The following BRCA1 variants were observed in gnomAD, a reference collection of about 807,000 sequenced individuals.
BRCA1 encodes the protein BRCA1 DNA repair associated, also known as breast cancer type 1 susceptibility protein.
Under a neutral mutation model 173.7 loss-of-function variants are expected in BRCA1, and 140 were observed. The observed-to-expected ratio is 0.81, with a 90% CI of 0.70 to 0.93. BRCA1 has a LOEUF of 0.93. Ranked by LOEUF, BRCA1 falls within the 40% of genes least tolerant of loss-of-function variation. BRCA1 has a pLI of 0.00. For missense variants in BRCA1, 1,983 were observed against 2,172.5 expected (o/e 0.91, Z 1.73); for synonymous variants, 662 against 756.0 (o/e 0.88, Z 2.04).
chr17:43,100,632 T>TAACA (rs1555595276), intron 6 of BRCA1, among the ~76,000 whole-genome samples: 12 of 43,228 alleles, frequency 2.8e-4, no homozygotes, highest in South Asian at 8.4e-4. Flanking sequence ...TATATATATG[T>TAACA]TATATATATA....
Position 43,092,043 on chromosome 17 carries a change from G to C in BRCA1, c.3488C>G (p.Thr1163Ser), listed in dbSNP as rs80356918. Reference sequence around the variant, plus strand: ...CTTAATGTCATTTTCAGCAAAACTAGTATCTTCCTTTATTTCACCATCATC... The same window carrying C: ...CTTAATGTCATTTTCAGCAAAACTACTATCTTCCTTTATTTCACCATCATC... The part of the protein sequence containing the change: ...LLDDGEIKED[T>S]SFAENDIKES... The change falls in exon 10 of 23, where the codon ACT becomes AGT. Residue 1163 changes from threonine (T) to serine (S), a missense_variant. Coordinates refer to ENST00000357654, the MANE Select transcript of BRCA1 (RefSeq NM_007294.4). The C allele has an allele frequency of 1.2e-6, 2 of 1,614,014 alleles. No individual in the cohort carries two copies. Among genetic ancestry groups the C allele is most frequent in the Non-Finnish European group, 8.5e-7 (1 of 1,180,016 alleles).
At chr17:43,100,655 A>ATGTT (rs1439612969) in intron 6 of BRCA1, among the ~76,000 whole-genome samples, 12 of 26,404 alleles carry the variant, frequency 4.5e-4, no homozygotes, top group South Asian at 1.7e-3. Flanking sequence ...ACATATATAT[A>ATGTT]ACATATATAT....
intron 11 of BRCA1, among the ~76,000 whole-genome samples, chr17:43,089,067 C>T (rs2053341686): frequency 2.0e-5 from 3 of 152,294 alleles, no homozygotes; most frequent in Admixed American, 1.3e-4. Context: ...AATCTCAGCA[C>T]TTTGGGAGGC....
chr17:43,130,915 A>G (rs2055959474), intron 1 of BRCA1, among the ~76,000 whole-genome samples: 1 of 152,210 alleles, frequency 6.6e-6, no homozygotes, highest in Non-Finnish European at 1.5e-5. Context: ...TCTGACCACC[A>G]GAAAGTTTGA....
chr17:43,070,855 A>T, intron 15 of BRCA1, 73 bp downstream of exon 15: 1 of 1,519,484 alleles, frequency 6.6e-7, no homozygotes, highest in South Asian at 1.1e-5. Context: ...TTAATTGACA[A>T]TACCTACATA....
intron 3 of BRCA1, among the ~76,000 whole-genome samples, chr17:43,108,981 G>A (rs1032899294): frequency 1.1e-4 from 16 of 151,954 alleles, no homozygotes; most frequent in African/African-American, 3.4e-4. Flanking sequence ...CAACAAGAGC[G>A]AAACTCCATC....
At chr17:43,090,749 C>T (rs1567787994) in intron 11 of BRCA1, among the ~76,000 whole-genome samples, 195 bp downstream of exon 11, 1 of 151,852 alleles carries the variant, frequency 6.6e-6, no homozygotes, top group Non-Finnish European at 1.5e-5. Context: ...TGCGCGTGTG[C>T]GTGTGTGTGA....
At chr17:43,158,845 G>A (rs1369996673) in intron 1 of BRCA1, among the ~76,000 whole-genome samples, 1 of 152,162 alleles carries the variant, frequency 6.6e-6, no homozygotes, top group African/African-American at 2.4e-5. Context: ...TAAGTGTTAT[G>A]GAGAAGCAGC....
chr17:43,059,464 G>A (rs916446939), intron 18 of BRCA1, among the ~76,000 whole-genome samples: 2 of 134,108 alleles, frequency 1.5e-5, no homozygotes, highest in Non-Finnish European at 3.1e-5. Flanking sequence ...AGAACGAGAT[G>A]CTGTCACAAC....
Position 43,067,579 on chromosome 17 carries a change from A to G in BRCA1, c.5074+29T>C, listed in dbSNP as rs778992032. 6.5e-6 allele frequency: 10 copies of G among 1,549,222 alleles called. No homozygotes were observed. The highest frequency in any genetic ancestry group is 5.0e-5 in the Admixed American group (3 of 59,890). Reference sequence around the variant, plus strand: ...TCATGTGGTTTTATGCAGCAGATGCAAGGTATTCTGTAAAGGTTCTTGGTA... The same window carrying G: ...TCATGTGGTTTTATGCAGCAGATGCGAGGTATTCTGTAAAGGTTCTTGGTA... On this transcript the variant is annotated intron_variant, in intron 16 of 22. Coordinates refer to ENST00000357654, the MANE Select transcript of BRCA1 (RefSeq NM_007294.4).
intron 1 of BRCA1, chr17:43,167,350 G>C (rs761070895): frequency 6.6e-6 from 1 of 152,252 alleles, no homozygotes; most frequent in Non-Finnish European, 1.5e-5. Flanking sequence ...AGCTCCCCGA[G>C]TGAGCAATTC....
At chr17:43,155,121 T>C (rs1237306995) in intron 1 of BRCA1, among the ~76,000 whole-genome samples, 4 of 152,044 alleles carry the variant, frequency 2.6e-5, no homozygotes, top group Admixed American at 6.5e-5. Flanking sequence ...CTGGTAACTT[T>C]TGGTAGGAAC....
chr17:43,078,047 C>T (rs1021885227), intron 12 of BRCA1, among the ~76,000 whole-genome samples: 6 of 150,738 alleles, frequency 4.0e-5, no homozygotes, highest in Non-Finnish European at 5.9e-5. Flanking sequence ...TATTTTTCAA[C>T]GAGATGGGTG....
intron 1 of BRCA1, among the ~76,000 whole-genome samples, chr17:43,135,516 T>C (rs2056012352): frequency 6.6e-6 from 1 of 152,184 alleles, no homozygotes; most frequent in African/African-American, 2.4e-5. Context: ...CATAAGCCGG[T>C]GGAGAAGTCC....
At chr17:43,137,558 G>T (rs1324129949) in intron 1 of BRCA1, among the ~76,000 whole-genome samples, 4 of 152,028 alleles carry the variant, frequency 2.6e-5, no homozygotes, top group Admixed American at 6.6e-5. Context: ...GATGTTCAAG[G>T]CTCGAGATCC....
chr17:43,074,621 A>T, intron 13 of BRCA1, 100 bp from the exon 14 acceptor site: 1 of 1,109,516 alleles, frequency 9.0e-7, no homozygotes, highest in African/African-American at 1.6e-5. Flanking sequence ...AGCTCATGTC[A>T]GAGAGATCAG....
At chr17:43,111,077 G>A (rs2055013309) in intron 3 of BRCA1, among the ~76,000 whole-genome samples, 1 of 148,998 alleles carries the variant, frequency 6.7e-6, no homozygotes. Flanking sequence ...CTCCAGCCTG[G>A]GCAACAGAAC....
At chr17:43,064,606 T>C (rs1296869151) in intron 16 of BRCA1, among the ~76,000 whole-genome samples, 1 of 152,184 alleles carries the variant, frequency 6.6e-6, no homozygotes, top group Non-Finnish European at 1.5e-5. Context: ...AGAAATGTAT[T>C]TAACTAAATC....
Position 43,048,090 on chromosome 17 carries a change from C to T in BRCA1, c.5407-387G>A, listed in dbSNP as rs567534295. 1.3e-4 allele frequency among the ~76,000 whole-genome samples: 19 copies of T among 151,960 alleles called. No homozygotes were observed. The East Asian group carries it at 3.5e-3, about 28-fold the overall frequency. On this transcript the variant is annotated intron_variant, in intron 21 of 22. Coordinates refer to ENST00000357654, the MANE Select transcript of BRCA1 (RefSeq NM_007294.4). ...AATAATTTTTTTGTAGACATGAGGT[C>T]CTACTGTATTGCCCAGGCTGGTCTT...
Sources: gnomAD v4.1 joint callset for allele counts (sites outside exome capture counted in the v4.1 genomes callset) on GRCh38, gnomAD v4.1.1 for gene constraint, MANE v1.5 for transcripts, NCBI Gene and HGNC (gene_info 2026-07-23, HGNC 2026-07-21) for gene names.